Variants in SI observed in about 807,000 individuals in gnomAD.
SI encodes sucrase-isomaltase, intestinal.
Under a neutral mutation model 253.3 loss-of-function variants are expected in SI, and 235 were observed. The ratio of observed to expected loss-of-function variants is 0.93; its 90% confidence interval spans 0.83 to 1.03. The LOEUF is 1.03. Among genes scored for constraint, SI ranks in the 50% least tolerant of loss-of-function variants. The probability of loss-of-function intolerance (pLI) is 0.00; values close to 1 mark genes in which losing one functional copy is unlikely to be tolerated. For missense variants in SI, 2,442 were observed against 2,211.1 expected, an observed-to-expected ratio of 1.10 and a Z score of -2.09; for synonymous variants, 819 against 712.0, an observed-to-expected ratio of 1.15 and a Z score of -2.39.
intron 16 of SI, among the ~76,000 whole-genome samples, chr3:165,046,156 T>C (rs1248340270): frequency 6.6e-6 from 1 of 152,024 alleles, no homozygotes; most frequent in East Asian, 1.9e-4. Context: ...AAACACAAGA[T>C]TGTGTGTGGG....
intron 47 of SI, 27 bp from the exon 48 acceptor site, chr3:164,979,457 G>A (rs371797492): frequency 1.4e-4 from 172 of 1,242,662 alleles, no homozygotes; most frequent in Non-Finnish European, 1.7e-4. Flanking sequence ...ATAATTAGTT[G>A]TTTAATCACA....
intron 37 of SI, among the ~76,000 whole-genome samples, chr3:165,004,691 C>G (rs1481513780): frequency 2.0e-5 from 3 of 152,110 alleles, no homozygotes. Flanking sequence ...TTAAGTAAGA[C>G]ACAGAGAAAA....
chr3:165,033,276 A>G, intron 23 of SI, 119 bp downstream of exon 23: 1 of 737,044 alleles, frequency 1.4e-6, no homozygotes, highest in Non-Finnish European at 2.0e-6. Flanking sequence ...TTATTTCATT[A>G]CATTCCATTA....
intron 16 of SI, among the ~76,000 whole-genome samples, chr3:165,043,807 A>T (rs11716302): frequency 0.58 from 88,202 of 151,766 alleles, 26,024 homozygotes; most frequent in East Asian, 0.81. Flanking sequence ...TTTTCTTAAC[A>T]GTATAAATGA....
At chr3:165,010,166 G>GTTTTTTT (rs1335710432) in intron 34 of SI, among the ~76,000 whole-genome samples, 1 of 148,056 alleles carries the variant, frequency 6.8e-6, no homozygotes, top group Admixed American at 6.8e-5. Context: ...GATGGATTTT[G>GTTTTTTT]TTTTTTTTTT....
At position 165,067,375 on chromosome 3, in the gene SI, G is replaced by A. The variant is rs1714297427; in HGVS notation, c.600C>T (p.Ser200=). 1.2e-6 allele frequency: 2 copies of A among 1,611,534 alleles called. No individual in the cohort carries two copies. The highest frequency in any genetic ancestry group is 1.7e-6 in the Non-Finnish European group (2 of 1,178,302). Residue 200 remains serine, a synonymous_variant, in exon 6 of 48, where the codon AGC becomes AGT. Transcript: ENST00000264382. The stretch of plus-strand genomic sequence containing the variant: ...CGTTGCTTTTCCTAATAACTTGGAT[G>A]CTAAATGGGTTTTGGGCAACCTTCA... ...YDVKVAQNPF[S]IQVIRKSNGK...
At chr3:165,073,797 A>G (rs1484692415) in intron 3 of SI, among the ~76,000 whole-genome samples, 2 of 152,138 alleles carry the variant, frequency 1.3e-5, no homozygotes, top group African/African-American at 4.8e-5. Context: ...TTTACATGGT[A>G]TTAGAGTTAT....
intron 31 of SI, among the ~76,000 whole-genome samples, chr3:165,016,627 G>C (rs1046481758): frequency 2.6e-5 from 4 of 151,982 alleles, no homozygotes; most frequent in African/African-American, 7.2e-5. Context: ...ATCTAAGCAA[G>C]AATTGTTTTA....
chr3:165,074,141 T>G (rs1343135211), intron 3 of SI, among the ~76,000 whole-genome samples: 1 of 152,068 alleles, frequency 6.6e-6, no homozygotes, highest in African/African-American at 2.4e-5. Flanking sequence ...AGTATTTTGT[T>G]TTCCACAGAT....
At position 165,007,927 on chromosome 3, in the gene SI, A is replaced by C. The variant is rs142090504; in HGVS notation, c.4251T>G (p.Tyr1417Ter). 1.4e-4 allele frequency: 223 copies of C among 1,587,366 alleles called. 1 individual carries two copies. The highest frequency in any genetic ancestry group is 1.8e-4 in the Non-Finnish European group (204 of 1,157,188). Residue 1417 changes from tyrosine (Y) to a stop codon, truncating the protein, a stop_gained, in exon 36 of 48, where the codon TAT becomes TAG. Coordinates refer to ENST00000264382, the MANE Select transcript of SI (RefSeq NM_001041.4). LOFTEE classifies it high-confidence loss of function. Reference sequence around the variant, plus strand: ...ATATTGTACCTGGGAAATAAGGTGGATAATTTAGTTCGTCATTTCTGCATT... The same window carrying C: ...ATATTGTACCTGGGAAATAAGGTGGCTAATTTAGTTCGTCATTTCTGCATT... ...TNQCRNDELN[Y>*]PPYFPELTKR... is the part of the protein sequence containing the mutation.
At chr3:165,026,054 T>G (rs1227626501) in intron 25 of SI, among the ~76,000 whole-genome samples, 1 of 151,170 alleles carries the variant, frequency 6.6e-6, no homozygotes, top group Non-Finnish European at 1.5e-5. Context: ...AATGGATAAC[T>G]ATTCACCAAC....
In SI at chr3:165,068,300, T is replaced by C. The variant is rs368766855; in HGVS notation, c.483+422A>G. Among the ~76,000 whole-genome samples, 4 of 152,330 alleles carry C rather than the reference T, an allele frequency of 2.6e-5. No homozygotes were observed. In the East Asian group the frequency reaches 5.8e-4, roughly 22 times the overall value. The stretch of plus-strand genomic sequence containing the variant: ...ATTATTTAAAGCCTCCAAAAATAAG[T>C]GCAGAGCACACTATTATTATTCGTA... On this transcript the variant is annotated intron_variant, in intron 5 of 47. Coordinates refer to ENST00000264382, the MANE Select transcript of SI (RefSeq NM_001041.4).
upstream of SI, among the ~76,000 whole-genome samples, chr3:165,082,993 C>G (rs1457909437): frequency 6.6e-6 from 1 of 151,830 alleles, no homozygotes; most frequent in African/African-American, 2.4e-5. Flanking sequence ...ACATAGTTGC[C>G]AGGTATCATA....
chr3:164,988,498 C>T lies in SI; in HGVS notation c.5109-1272G>A, dbSNP rs554099793. On this transcript the variant is annotated intron_variant, in intron 44 of 47. Coordinates refer to ENST00000264382, the MANE Select transcript of SI (RefSeq NM_001041.4). ...ATAAAAAAATAAGGATTATTCAAGGCACACCTTATGAATGGTCTCCTCCAT... is the reference window on the plus strand; with the variant it reads ...ATAAAAAAATAAGGATTATTCAAGGTACACCTTATGAATGGTCTCCTCCAT... 1.4e-4 allele frequency among the ~76,000 whole-genome samples: 21 copies of T among 152,204 alleles called. No individual in the cohort carries two copies. In the South Asian group the frequency reaches 4.1e-3, roughly 30 times the overall value.
At chr3:165,074,266 T>G (rs1175557646) in intron 3 of SI, among the ~76,000 whole-genome samples, 1 of 152,096 alleles carries the variant, frequency 6.6e-6, no homozygotes, top group East Asian at 1.9e-4. Context: ...ATGACAGAAT[T>G]TCATGAAGAT....
chr3:165,048,794 T>C (rs1254239701), intron 15 of SI, among the ~76,000 whole-genome samples: 2 of 151,812 alleles, frequency 1.3e-5, no homozygotes, highest in Non-Finnish European at 2.9e-5. Flanking sequence ...GATTTGTACT[T>C]TTAATAGAGA....
chr3:165,040,012 A>T (rs777617048), intron 18 of SI, 41 bp from the exon 19 acceptor site: 65 of 1,491,650 alleles, frequency 4.4e-5, no homozygotes, highest in Admixed American at 1.0e-4. Flanking sequence ...TAATGAAAAA[A>T]TAAGTTTATC....
At position 165,017,591 on chromosome 3, in the gene SI, A is replaced by T. The variant is rs1015594004; in HGVS notation, c.3716T>A (p.Val1239Asp). The stretch of plus-strand genomic sequence containing the variant: ...CACCATAGCGTCATATAATTCCCGA[A>T]CCTCTGAAGTATTTGCATATCCATA... ...CRYGYANTSE[V>D]RELYDAMVAA... is the part of the protein sequence containing the mutation. The change falls in exon 31 of 48, where the codon GTT (valine) becomes GAT (aspartate). Residue 1239 changes from valine (V) to aspartate (D), a missense_variant. Transcript: ENST00000264382. The T allele has an allele frequency of 1.9e-6, 3 of 1,612,522 alleles. No individual in the cohort carries two copies. In the Admixed American group the frequency reaches 5.0e-5, roughly 27 times the overall value.
chr3:165,030,891 G>GAAAAAAAA, intron 24 of SI, 24 bp from the exon 25 acceptor site: 1 of 1,199,292 alleles, frequency 8.3e-7, no homozygotes, highest in East Asian at 3.2e-5. Context: ...AAAAAAAAAA[G>GAAAAAAAA]AAAAAAAGAA....
Sources: gnomAD v4.1 joint callset for allele counts (sites outside exome capture counted in the v4.1 genomes callset) on GRCh38, gnomAD v4.1.1 for gene constraint, MANE v1.5 for transcripts, NCBI Gene and HGNC (gene_info 2026-07-23, HGNC 2026-07-21) for gene names.